The following HSPBP1 variants were observed in gnomAD, a reference collection of about 807,000 sequenced individuals.
HSPBP1 encodes HSPA (Hsp70) binding protein 1, also known as hsp70-binding protein 1.
In HSPBP1, 31 loss-of-function variants were observed where a neutral mutation model predicts 41.7. The observed-to-expected ratio is 0.74, with a 90% confidence interval of 0.56 to 1.00. The LOEUF (loss-of-function observed/expected upper bound fraction) is 1.00. HSPBP1 is among the 50% of genes least tolerant of loss of function. The probability of loss-of-function intolerance (pLI) is 0.00; values close to 1 mark genes in which losing one functional copy is unlikely to be tolerated. For missense variants in HSPBP1, 439 were observed against 487.9 expected, an observed-to-expected ratio of 0.90 and a Z score of 0.94; for synonymous variants, 199 against 214.4, an observed-to-expected ratio of 0.93 and a Z score of 0.63.
At chr19:55,279,818 T>G in intron 1 of HSPBP1, 116 bp from the exon 2 acceptor site, 2 of 1,165,622 alleles carry the variant, frequency 1.7e-6, no homozygotes, top group Non-Finnish European at 1.2e-6. Flanking sequence ...CACAGGACCC[T>G]TCCCCAAAGT....
intron 3 of HSPBP1, among the ~76,000 whole-genome samples, chr19:55,275,885 TTGCAGTGAGCTG>T (rs2122874133): frequency 6.6e-6 from 1 of 150,792 alleles, no homozygotes; most frequent in Non-Finnish European, 1.5e-5. Context: ...GAGGCACAGG[TTGCAGTGAGCTG>T]AGATCGCGCC....
At chr19:55,276,778 C>T (rs1420097094) in intron 3 of HSPBP1, among the ~76,000 whole-genome samples, 2 of 152,082 alleles carry the variant, frequency 1.3e-5, no homozygotes, top group East Asian at 1.9e-4. Context: ...CAGGTCTTCT[C>T]GGGGTGCTGC....
At chr19:55,263,952 T>C (rs890139503) in intron 7 of HSPBP1, among the ~76,000 whole-genome samples, 2 of 151,890 alleles carry the variant, frequency 1.3e-5, no homozygotes, top group African/African-American at 4.8e-5. Flanking sequence ...AAGTCAAAAC[T>C]TCTCATGTAG....
Position 55,270,915 on chromosome 19 carries a change from CACACCACACAACCCATGT to C in HSPBP1, c.640+3465_640+3482del, listed in dbSNP as rs2087908263. Among the ~76,000 whole-genome samples, 1 of 150,846 alleles carries C rather than the reference CACACCACACAACCCATGT, an allele frequency of 6.6e-6. No individual in the cohort carries two copies. The highest frequency in any genetic ancestry group is 1.5e-5 in the Non-Finnish European group (1 of 67,696). ...CACACACACCTCCACATATATACCA[CACACCACACAACCCATGT>C]ACACGCTACACTAACACACGACACG... On this transcript the variant is annotated intron_variant, in intron 4 of 7. Coordinates refer to ENST00000433386, the MANE Select transcript of HSPBP1 (RefSeq NM_012267.5). This position sits in a 1 kb window ranked among gnomAD's most constrained non-coding sequence, Gnocchi z 5.4.
In HSPBP1 at chr19:55,279,646, A is replaced by G. The variant is rs777233887; in HGVS notation, c.-38T>C. 69 of 1,553,304 alleles carry G rather than the reference A, an allele frequency of 4.4e-5. No individual in the cohort carries two copies. The highest frequency in any genetic ancestry group is 3.7e-4 in the Admixed American group (19 of 51,174). On this transcript the variant is annotated 5_prime_UTR_variant, in exon 2 of 8. Coordinates refer to ENST00000433386, the MANE Select transcript of HSPBP1 (RefSeq NM_012267.5). ...AAGAAGGGAAGAATGTGTTAGAGGG[A>G]GAAGGTGGTCACCGCTGAAGCAGCT...
chr19:55,269,119 T>C (rs10404178), intron 4 of HSPBP1, among the ~76,000 whole-genome samples: 37,496 of 152,002 alleles, frequency 0.25, 4,864 homozygotes, highest in Middle Eastern at 0.33. Context: ...ACGCCAGGGT[T>C]TCTCCACCTG....
intron 3 of HSPBP1, among the ~76,000 whole-genome samples, chr19:55,274,982 CT>C (rs1285485213): frequency 1.3e-5 from 2 of 152,206 alleles, no homozygotes; most frequent in Admixed American, 1.3e-4. Flanking sequence ...AAATACATTT[CT>C]GTTTTTAAAG....
In HSPBP1 at chr19:55,262,689, T is replaced by C. The variant is rs1332496799; in HGVS notation, c.1006-7A>G. ...CACAGAACTCCAGCTCCTCCTGGATTGGGCAGGGGCAGGGAGCAAGGGGCC... is the reference window on the plus strand; with the variant it reads ...CACAGAACTCCAGCTCCTCCTGGATCGGGCAGGGGCAGGGAGCAAGGGGCC... On this transcript the variant is annotated splice_polypyrimidine_tract_variant and splice_region_variant and intron_variant, in intron 7 of 7. Coordinates refer to ENST00000433386, the MANE Select transcript of HSPBP1 (RefSeq NM_012267.5). 3 of 1,612,086 alleles carry C rather than the reference T, an allele frequency of 1.9e-6. No individual in the cohort carries two copies. Among genetic ancestry groups the C allele is most frequent in the South Asian group, 2.2e-5 (2 of 90,590 alleles).
At position 55,274,578 on chromosome 19, in the gene HSPBP1, G is replaced by C; in HGVS notation, c.460C>G (p.Leu154Val). ...CGCAGTCCCGCAGCCCCCGCCTCCA[G>C]GTACCGGCCCACCAGCAGGTGCATG... ...SGMHLLVGRY[L>V]EAGAAGLRWR... Residue 154 changes from leucine to valine, a missense_variant, in exon 4 of 8, where the codon CTG becomes GTG. By Grantham distance (32) the Leu-to-Val change is conservative. Transcript: ENST00000433386. 1 of 1,608,766 alleles carries C rather than the reference G, an allele frequency of 6.2e-7. No individual in the cohort carries two copies. The highest frequency in any genetic ancestry group is 8.5e-7 in the Non-Finnish European group (1 of 1,179,590).
At position 55,274,411 on chromosome 19, in the gene HSPBP1, G is replaced by T; in HGVS notation, c.627C>A (p.Leu209=). Residue 209 remains leucine (L), a synonymous_variant, in exon 4 of 8, where the codon CTC becomes CTA. Transcript: ENST00000433386. ...DACDTVRVKA[L]FAISCLVREQ... ...CCGGACACTCACAGGAGATGGCGAA[G>T]AGGGCCTTGACGCGCACCGTGTCGC... The T allele has an allele frequency of 7.0e-7, 1 of 1,423,176 alleles. No individual in the cohort carries two copies. Among genetic ancestry groups the T allele is most frequent in the East Asian group, 3.1e-5 (1 of 32,546 alleles). The allele number at this position is 1,423,176 out of a possible 1,614,324, so 88.2% of individuals were successfully genotyped here. A position where few individuals can be genotyped will look rare whatever the true frequency, so the allele number is the denominator to read the frequency against.
chr19:55,266,349 C>T (rs2087776160), intron 4 of HSPBP1, 63 bp from the exon 5 acceptor site: 1 of 1,488,048 alleles, frequency 6.7e-7, no homozygotes, highest in Non-Finnish European at 9.1e-7. Context: ...ATCACAAGCA[C>T]CATCACCAAC....
chr19:55,272,709 C>T lies in HSPBP1; in HGVS notation c.640+1689G>A, dbSNP rs1412891135. Among the ~76,000 whole-genome samples, 1 of 151,950 alleles carries T rather than the reference C, an allele frequency of 6.6e-6. No individual in the cohort carries two copies. Among genetic ancestry groups the T allele is most frequent in the Non-Finnish European group, 1.5e-5 (1 of 67,978 alleles). On this transcript the variant is annotated intron_variant, in intron 4 of 7. Transcript: ENST00000433386. This position sits in a 1 kb window ranked among gnomAD's most constrained non-coding sequence, Gnocchi z 4.2. ...TACAAAAATTAGCCGGGCGCGGTGG[C>T]GGGCGCCTGTAATCCCAGCTACTTG...
At position 55,265,974 on chromosome 19, in the gene HSPBP1, A is replaced by G; in HGVS notation, c.805T>C (p.Cys269Arg). ...VGHPEHKGTL[C>R]SMGMVQQLVA... ...AGCTGCTGGACCATCCCCATGGAGCACAGGGTCCCTGGGGGGAGGGCTGCA... is the reference window on the plus strand; with the variant it reads ...AGCTGCTGGACCATCCCCATGGAGCGCAGGGTCCCTGGGGGGAGGGCTGCA... Residue 269 changes from cysteine (C) to arginine (R), a missense_variant, in exon 6 of 8, where the codon TGC becomes CGC. Coordinates refer to ENST00000433386, the MANE Select transcript of HSPBP1 (RefSeq NM_012267.5). 6.2e-7 allele frequency: 1 copy of G among 1,601,538 alleles called. No individual in the cohort carries two copies. Among genetic ancestry groups the G allele is most frequent in the East Asian group, 2.2e-5 (1 of 44,502 alleles).
At chr19:55,265,763 A>G in intron 6 of HSPBP1, 123 bp downstream of exon 6, 1 of 648,426 alleles carries the variant, frequency 1.5e-6, no homozygotes, top group Non-Finnish European at 2.6e-6. Flanking sequence ...CTGGCCCCAC[A>G]CCCTTCCTCT....
At position 55,277,801 on chromosome 19, in the gene HSPBP1, G is replaced by T; in HGVS notation, c.256C>A (p.Gln86Lys). The stretch of plus-strand genomic sequence containing the variant: ...TTCATCTGCTCCACCTCCTCCCGCT[G>T]GCCTCGGAAGGCAGCCGACATGGCC... ...QEAMSAAFRGQREEVEQMKSC... is the reference protein window; with the variant it reads ...QEAMSAAFRGKREEVEQMKSC... The change falls in exon 3 of 8, where the codon CAG becomes AAG. Residue 86 changes from glutamine (Q) to lysine (K), a missense_variant. Transcript: ENST00000433386. The T allele has an allele frequency of 6.3e-7, 1 of 1,594,016 alleles. No homozygotes were observed. Among genetic ancestry groups the T allele is most frequent in the Admixed American group, 1.7e-5 (1 of 58,772 alleles).
chr19:55,265,851 A>G, intron 6 of HSPBP1, 35 bp downstream of exon 6: 1 of 1,453,416 alleles, frequency 6.9e-7, no homozygotes, highest in Non-Finnish European at 9.2e-7. Flanking sequence ...CGGGGCCCCC[A>G]CCCCAGGCCC....
intron 2 of HSPBP1, among the ~76,000 whole-genome samples, chr19:55,279,164 G>C (rs181690066): frequency 2.6e-5 from 4 of 152,234 alleles, no homozygotes; most frequent in Admixed American, 6.5e-5. Context: ...GCTGAATCCA[G>C]GTTAGTCTGG....
intron 3 of HSPBP1, among the ~76,000 whole-genome samples, chr19:55,276,440 A>C (rs2088074451): frequency 6.6e-6 from 1 of 152,212 alleles, no homozygotes; most frequent in Non-Finnish European, 1.5e-5. Context: ...AGCACTGTGC[A>C]TCTTCATTAA....
At position 55,279,530 on chromosome 19, in the gene HSPBP1, C is replaced by A; in HGVS notation, c.79G>T (p.Gly27Cys). Residue 27 changes from glycine (G) to cysteine (C), a missense_variant, in exon 2 of 8, where the codon GGC becomes TGC. Transcript: ENST00000433386. ...PASQGCSSGG[G>C]GGGSSAGGSG... is the part of the protein sequence containing the mutation. ...CCCCCAGCCGAGGAGCCGCCGCCGC[C>A]GCCCCCTGAAGAGCAACCCTGGGAG... 6.2e-7 allele frequency: 1 copy of A among 1,610,094 alleles called. No individual in the cohort carries two copies. The highest frequency in any genetic ancestry group is 8.5e-7 in the Non-Finnish European group (1 of 1,178,724).
Sources: allele counts gnomAD v4.1 joint callset (sites outside exome capture counted in the v4.1 genomes callset), GRCh38; gene constraint gnomAD v4.1.1; non-coding constraint Gnocchi (gnomAD v3.1); transcripts MANE v1.5; gene names NCBI Gene and HGNC (gene_info 2026-07-23, HGNC 2026-07-21).